FAT1: variants seen among roughly 807,000 people sequenced by gnomAD.
FAT1 encodes the protein FAT atypical cadherin 1.
FAT1 carries 171 observed loss-of-function variants against 329.8 expected under a neutral mutation model. The observed-to-expected ratio is 0.52, with a 90% CI of 0.46 to 0.59. The LOEUF (loss-of-function observed/expected upper bound fraction) is 0.59. FAT1 is among the 20% of genes least tolerant of loss of function. FAT1 has a pLI of 0.00. For missense variants in FAT1, 5,672 were observed against 5,774.4 expected, an observed-to-expected ratio of 0.98 and a Z score of 0.57; for synonymous variants, 2,233 against 2,228.6, an observed-to-expected ratio of 1.00 and a Z score of -0.06.
intron 2 of FAT1, among the ~76,000 whole-genome samples, chr4:186,678,356 C>A (rs1047767116): frequency 6.6e-6 from 1 of 151,340 alleles, no homozygotes; most frequent in African/African-American, 2.4e-5. Context: ...GTAATCCCAG[C>A]ACTTTGTAAG....
chr4:186,645,438 A>C (rs541359783), intron 3 of FAT1, among the ~76,000 whole-genome samples: 64 of 136,530 alleles, frequency 4.7e-4, no homozygotes, highest in African/African-American at 1.7e-3. Flanking sequence ...TAAAAAACTG[A>C]GATATATCCA....
At position 186,636,868 on chromosome 4, in the gene FAT1, C is replaced by G. The variant is rs746168456; in HGVS notation, c.3689G>C (p.Arg1230Thr). ...NGSPPKSTIA[R>T]VIVKILDEND... ...TTCATCAAGGATTTTCACAATGACT[C>G]TTGCAATGGTTGATTTGGGGGGACT... Residue 1230 changes from arginine (R) to threonine (T), a missense_variant, in exon 5 of 27, where the codon AGA becomes ACA. Physicochemically the swap from Arg to Thr is moderately conservative, Grantham distance 71. This residue lies in a region of FAT1 where 3,966 missense variants were observed against 3,915.2 expected (regional missense o/e 1.01). Coordinates refer to ENST00000441802, the MANE Select transcript of FAT1 (RefSeq NM_005245.4). The G allele has an allele frequency of 6.2e-7, 1 of 1,613,658 alleles. No homozygotes were observed.
At chr4:186,718,672 A>G (rs1007492110) in intron 1 of FAT1, among the ~76,000 whole-genome samples, 2 of 152,140 alleles carry the variant, frequency 1.3e-5, no homozygotes, top group African/African-American at 4.8e-5. Context: ...GTCTCAAAAA[A>G]ATAAAATAAA....
rs772436114 is a variant in FAT1 at position 186,709,593 on chromosome 4, T to C, written c.235A>G (p.Ser79Gly). The C allele has an allele frequency of 1.9e-6, 3 of 1,614,040 alleles. No individual in the cohort carries two copies. Among genetic ancestry groups the C allele is most frequent in the South Asian group, 1.1e-5 (1 of 91,086 alleles). Residue 79 changes from serine (S) to glycine (G), a missense_variant, in exon 2 of 27, where the codon AGT becomes GGT. Physicochemically the swap from Ser to Gly is moderately conservative, Grantham distance 56. Coordinates refer to ENST00000441802, the MANE Select transcript of FAT1 (RefSeq NM_005245.4). The stretch of plus-strand genomic sequence containing the variant: ...TCTTCAGCTTTGAACAGGTTTTCAC[T>C]GTCTCCGGAAACAATTTTGTACCTT... ...EVRYKIVSGD[S>G]ENLFKAEEYI... is the part of the protein sequence containing the mutation.
intron 3 of FAT1, among the ~76,000 whole-genome samples, chr4:186,649,923 C>T (rs1025068761): frequency 2.0e-5 from 3 of 152,170 alleles, no homozygotes; most frequent in South Asian, 4.1e-4. Flanking sequence ...AATGAAAGTA[C>T]TGAAAAAATA....
chr4:186,651,061 TTTA>T (rs1342922699), intron 3 of FAT1, among the ~76,000 whole-genome samples: 1 of 149,150 alleles, frequency 6.7e-6, no homozygotes, highest in African/African-American at 2.4e-5. Context: ...AAATAATTTA[TTTA>T]TTATTAATAA....
intron 21 of FAT1, among the ~76,000 whole-genome samples, chr4:186,600,980 G>A (rs1268570591): frequency 6.6e-6 from 1 of 152,192 alleles, no homozygotes; most frequent in East Asian, 1.9e-4. Context: ...CCAAAGTGCT[G>A]GGATTACAGG....
rs11735243 is a variant in FAT1, at chr4:186,605,885, G to A, written c.10350+185C>T. Among the ~76,000 whole-genome samples the A allele has an allele frequency of 0.46, 69,299 of 151,796 alleles. 16,039 individuals are homozygous for A. Among genetic ancestry groups the A allele is most frequent in the African/African-American group, 0.52 (21,690 of 41,362 alleles). On this transcript the variant is annotated intron_variant, in intron 17 of 26. Coordinates refer to ENST00000441802, the MANE Select transcript of FAT1 (RefSeq NM_005245.4). The stretch of plus-strand genomic sequence containing the variant: ...ATCTCAAAAATCAAAGCACGGAAAG[G>A]AAAGAGATAAAAGCTTGGCTTTATC...
At position 186,589,014 on chromosome 4, in the gene FAT1, G is replaced by A. The variant is rs912753879; in HGVS notation, c.13345C>T (p.Pro4449Ser). ...PEDFPAADEL[P>S]PLPPEFSNQF... ...TTGCTGAATTCGGGCGGTAACGGTG[G>A]TAGCTCATCAGCTGCGGGGAAGTCT... Residue 4449 changes from proline to serine, a missense_variant, in exon 27 of 27, where the codon CCA (proline) becomes TCA (serine). This residue lies in a region of FAT1 where 1,706 missense variants were observed against 1,859.1 expected (regional missense o/e 0.92). Coordinates refer to ENST00000441802, the MANE Select transcript of FAT1 (RefSeq NM_005245.4). 2.5e-6 allele frequency: 4 copies of A among 1,613,882 alleles called. No individual in the cohort carries two copies. The highest frequency in any genetic ancestry group is 3.4e-6 in the Non-Finnish European group (4 of 1,179,900).
In FAT1 at chr4:186,618,440, C is replaced by G. The variant is rs377032665; in HGVS notation, c.8146G>C (p.Val2716Leu). ...AGATCTATCTCTGTTCCAATAGGCA[C>G]GTCCTCTGACACTGTAAAGGTATAG... ...PFYTFTVSED[V>L]PIGTEIDLIR... Residue 2716 changes from valine to leucine, a missense_variant, in exon 10 of 27, where the codon GTG becomes CTG. Physicochemically the swap from Val to Leu is conservative, Grantham distance 32. This residue lies in a region of FAT1 where 3,966 missense variants were observed against 3,915.2 expected (regional missense o/e 1.01). Coordinates refer to ENST00000441802, the MANE Select transcript of FAT1 (RefSeq NM_005245.4). The G allele has an allele frequency of 6.2e-7, 1 of 1,614,030 alleles. No homozygotes were observed. Among genetic ancestry groups the G allele is most frequent in the South Asian group, 1.1e-5 (1 of 91,090 alleles).
intron 22 of FAT1, 80 bp downstream of exon 22, chr4:186,599,818 A>G (rs1738708814): frequency 1.3e-5 from 14 of 1,117,954 alleles, no homozygotes; most frequent in South Asian, 3.2e-5. Context: ...AAGAGAAAAA[A>G]ATAAAAAAAT....
chr4:186,611,002 G>A (rs768106053), intron 14 of FAT1, among the ~76,000 whole-genome samples: 1 of 151,878 alleles, frequency 6.6e-6, no homozygotes, highest in Non-Finnish European at 1.5e-5. Context: ...AAAAAAGACT[G>A]GAATTACTAT....
intron 1 of FAT1, among the ~76,000 whole-genome samples, chr4:186,712,982 G>T (rs1745038392): frequency 6.6e-6 from 1 of 151,714 alleles, no homozygotes; most frequent in Non-Finnish European, 1.5e-5. Context: ...TCATGAAGGG[G>T]GTTCTTTTTA....
chr4:186,664,403 T>TA (rs144101752), intron 2 of FAT1, among the ~76,000 whole-genome samples: 2,670 of 152,268 alleles, frequency 0.018, 100 homozygotes, highest in African/African-American at 0.061. Context: ...CGCAGCACCT[T>TA]ACACAAAGCA....
rs1239362439 is a variant in FAT1 at position 186,628,162 on chromosome 4, A to G, written c.4802T>C (p.Ile1601Thr). ...GAAGGCTCCAAAAGTACCTGACTCG[A>G]TCGAGTACAGCACTTCAGCATTTTT... is the stretch of plus-strand genomic sequence containing the variant. ...KGKNAEVLYS[I>T]ESGNIGNSFM... The change falls in exon 9 of 27, where the codon ATC (isoleucine) becomes ACC (threonine). Residue 1601 changes from isoleucine (I) to threonine (T), a missense_variant. Ile to Thr is a moderately conservative substitution (Grantham distance 89). Coordinates refer to ENST00000441802, the MANE Select transcript of FAT1 (RefSeq NM_005245.4). 1 of 1,613,770 alleles carries G rather than the reference A, an allele frequency of 6.2e-7. No individual in the cohort carries two copies. The highest frequency in any genetic ancestry group is 2.2e-5 in the East Asian group (1 of 44,868).
chr4:186,614,276 T>C lies in FAT1; in HGVS notation c.9144A>G (p.Thr3048=), dbSNP rs755039381. 4 of 1,602,110 alleles carry C rather than the reference T, an allele frequency of 2.5e-6. No homozygotes were observed. In the East Asian group the frequency reaches 6.8e-5, roughly 27 times the overall value. Residue 3048 remains threonine, a synonymous_variant, in exon 12 of 27, where the codon ACA becomes ACG. Transcript: ENST00000441802. ...PGKLIMQISA[T]DADIRSNAEI... is the part of the protein sequence containing the mutation. ...CAGCGTTAGAGCGGATGTCTGCGTC[T>C]GTAGCAGAGATCTGCATGATCAATT...
intron 3 of FAT1, among the ~76,000 whole-genome samples, chr4:186,655,191 T>A (rs544036595): frequency 6.6e-6 from 1 of 152,292 alleles, no homozygotes; most frequent in African/African-American, 2.4e-5. Flanking sequence ...CAAACATACA[T>A]ATATAGTCAA....
chr4:186,613,382 C>T (rs751219743), intron 12 of FAT1, 40 bp from the exon 13 acceptor site: 269 of 1,476,592 alleles, frequency 1.8e-4, no homozygotes, highest in Non-Finnish European at 2.4e-4. Context: ...TAATTTAAGA[C>T]GTGACTTGCA....
At chr4:186,664,098 C>T (rs898610873) in intron 2 of FAT1, among the ~76,000 whole-genome samples, 1 of 152,092 alleles carries the variant, frequency 6.6e-6, no homozygotes, top group Non-Finnish European at 1.5e-5. Context: ...GTCCAGCACC[C>T]CCGCTCCCCA....
Sources: allele counts gnomAD v4.1 joint callset (sites outside exome capture counted in the v4.1 genomes callset), GRCh38; gene constraint gnomAD v4.1.1; regional missense constraint gnomAD v4.1.1; transcripts MANE v1.5; gene names NCBI Gene and HGNC (gene_info 2026-07-23, HGNC 2026-07-21).